The following ASAP3 variants were observed in gnomAD, a reference collection of about 807,000 sequenced individuals.
The protein encoded by ASAP3 is arf-GAP with SH3 domain, ANK repeat and PH domain-containing protein 3.
In ASAP3, 85 loss-of-function variants were observed where a neutral mutation model predicts 118.2. The observed-to-expected ratio is 0.72, with a 90% CI of 0.60 to 0.86. The LOEUF (loss-of-function observed/expected upper bound fraction) is 0.86. ASAP3 is among the 40% of genes least tolerant of loss of function. ASAP3 has a pLI of 0.00. For missense variants in ASAP3, 1,026 were observed against 1,175.0 expected (o/e 0.87, Z 1.85); for synonymous variants, 432 against 477.4 (o/e 0.90, Z 1.24).
intron 3 of ASAP3, among the ~76,000 whole-genome samples, chr1:23,453,314 G>A (rs1185072905): frequency 6.6e-6 from 1 of 151,528 alleles, no homozygotes; most frequent in Non-Finnish European, 1.5e-5. Context: ...TGGGGTAAAC[G>A]CAGAAGTCAG....
chr1:23,471,642 A>T (rs954652346), intron 1 of ASAP3, among the ~76,000 whole-genome samples: 15 of 152,312 alleles, frequency 9.8e-5, no homozygotes, highest in Non-Finnish European at 1.6e-4. Context: ...CAGTCCTCTT[A>T]GCTGTGTGAC....
At position 23,434,322 on chromosome 1, in the gene ASAP3, T is replaced by C. The variant is rs1483547288; in HGVS notation, c.1883A>G (p.Tyr628Cys). 3 of 1,614,012 alleles carry C rather than the reference T, an allele frequency of 1.9e-6. No homozygotes were observed. In the African/African-American group the frequency reaches 4.0e-5, roughly 22 times the overall value. Residue 628 changes from tyrosine (Y) to cysteine (C), a missense_variant, in exon 19 of 25, where the codon TAC (tyrosine) becomes TGC (cysteine). Coordinates refer to ENST00000336689, the MANE Select transcript of ASAP3 (RefSeq NM_017707.4). The part of the protein sequence containing the change: ...KAADGNTALH[Y>C]AALYNQPDCL... ...GTCGGGCTGGTTGTAGAGTGCTGCG[T>C]AGTGCAGAGCCGTGTTCCCGTCAGC...
chr1:23,451,381 C>A, intron 5 of ASAP3, 98 bp downstream of exon 5: 3 of 1,366,314 alleles, frequency 2.2e-6, no homozygotes, highest in Non-Finnish European at 3.1e-6. Flanking sequence ...CAGATGTCAC[C>A]CAATTCTGGA....
At chr1:23,480,516 T>A (rs948509092) in intron 1 of ASAP3, among the ~76,000 whole-genome samples, 1 of 152,174 alleles carries the variant, frequency 6.6e-6, no homozygotes, top group African/African-American at 2.4e-5. Context: ...GCTCTCTCCC[T>A]CTCCTGCTCC....
chr1:23,448,244 A>G (rs1641107772), intron 5 of ASAP3, among the ~76,000 whole-genome samples: 1 of 152,210 alleles, frequency 6.6e-6, no homozygotes, highest in Non-Finnish European at 1.5e-5. Context: ...TGGTGCAGGC[A>G]GGAAAGTATT....
chr1:23,464,040 T>C (rs751916738), intron 1 of ASAP3, among the ~76,000 whole-genome samples: 2 of 152,138 alleles, frequency 1.3e-5, no homozygotes, highest in African/African-American at 2.4e-5. Flanking sequence ...TGAAACTGGA[T>C]AGATGAAGGA....
chr1:23,458,454 C>T (rs1641458269), intron 1 of ASAP3, among the ~76,000 whole-genome samples: 1 of 152,148 alleles, frequency 6.6e-6, no homozygotes, highest in Admixed American at 6.5e-5. Flanking sequence ...GAAACCCCAT[C>T]TCCATGTGGT....
chr1:23,459,022 T>C (rs377585575), intron 1 of ASAP3, among the ~76,000 whole-genome samples: 84 of 151,856 alleles, frequency 5.5e-4, no homozygotes, highest in African/African-American at 2.0e-3. Flanking sequence ...ATACAAAAAT[T>C]AGCTGGGCGT....
At chr1:23,440,670 C>T (rs1316381757) in intron 10 of ASAP3, among the ~76,000 whole-genome samples, 1 of 150,558 alleles carries the variant, frequency 6.6e-6, no homozygotes, top group Non-Finnish European at 1.5e-5. Context: ...TCCTGGCTAA[C>T]ATAGTGAAAC....
intron 1 of ASAP3, among the ~76,000 whole-genome samples, chr1:23,468,019 T>C (rs765839442): frequency 2.0e-5 from 3 of 151,840 alleles, no homozygotes; most frequent in Non-Finnish European, 4.4e-5. Context: ...CTTTACAGTT[T>C]GTAAGGGAGT....
intron 18 of ASAP3, 52 bp from the exon 19 acceptor site, chr1:23,434,421 G>T (rs915720402): frequency 1.9e-6 from 3 of 1,604,826 alleles, no homozygotes; most frequent in African/African-American, 2.7e-5. Context: ...TCAATGAGGG[G>T]ATCAAAGTCA....
At chr1:23,433,566 T>C (rs1215825075) in intron 20 of ASAP3, 34 bp from the exon 21 acceptor site, 16 of 1,613,988 alleles carry the variant, frequency 9.9e-6, no homozygotes, top group Middle Eastern at 1.6e-4. Flanking sequence ...GTTCAGAGGG[T>C]TGGGGGCTCA....
chr1:23,440,482 C>T (rs113241483), intron 10 of ASAP3, among the ~76,000 whole-genome samples: 4,380 of 101,930 alleles, frequency 0.043, 109 homozygotes, highest in Middle Eastern at 0.26. Context: ...GCCTGGGTGA[C>T]GGAGGGAGAC....
Position 23,431,726 on chromosome 1 carries a change from G to A in ASAP3, c.2516C>T (p.Pro839Leu). The change falls in exon 23 of 25, where the codon CCT becomes CTT. Residue 839 changes from proline to leucine, a missense_variant. Coordinates refer to ENST00000336689, the MANE Select transcript of ASAP3 (RefSeq NM_017707.4). ...TCTGACGGGGAGGTACATCTCCGAA[G>A]GGGTGGTCCCGGATGTCAGGCTGGG... Reference protein sequence around the residue: ...SRPSLTSGTTPSEMYLPVRFS... With the variant: ...SRPSLTSGTTLSEMYLPVRFS... The A allele has an allele frequency of 6.6e-7, 1 of 1,522,132 alleles. No homozygotes were observed. The highest frequency in any genetic ancestry group is 8.8e-7 in the Non-Finnish European group (1 of 1,140,274). The allele number at this position is 1,522,132 out of a possible 1,614,324, so 94.3% of individuals were successfully genotyped here.
chr1:23,436,527 G>A lies in ASAP3; in HGVS notation c.1571+33C>T. 3 of 1,607,608 alleles carry A rather than the reference G, an allele frequency of 1.9e-6. No individual in the cohort carries two copies. The highest frequency in any genetic ancestry group is 2.6e-6 in the Non-Finnish European group (3 of 1,174,110). On this transcript the variant is annotated intron_variant, in intron 16 of 24. Coordinates refer to ENST00000336689, the MANE Select transcript of ASAP3 (RefSeq NM_017707.4). This position sits in a 1 kb window ranked among gnomAD's most constrained non-coding sequence, Gnocchi z 4.2. ...ACACTGCGGAGGCAGAATCCCCTAG[G>A]CAGGGTGCCCCTCTCTCTGAGAATC...
At chr1:23,432,485 T>C (rs1187661283) in intron 22 of ASAP3, among the ~76,000 whole-genome samples, 1 of 152,226 alleles carries the variant, frequency 6.6e-6, no homozygotes, top group African/African-American at 2.4e-5. Context: ...TTCACTCATA[T>C]GCTATCCTCA....
chr1:23,477,445 G>A (rs1048955518), intron 1 of ASAP3, among the ~76,000 whole-genome samples: 18 of 150,422 alleles, frequency 1.2e-4, no homozygotes, highest in Middle Eastern at 3.4e-3. Flanking sequence ...GTGAGAGGTC[G>A]CACCACTCAT....
At chr1:23,484,227 C>G, upstream of ASAP3, 1 of 1,171,794 alleles carries the variant, frequency 8.5e-7, no homozygotes, top group Non-Finnish European at 1.1e-6. Flanking sequence ...GGGGCGCCGT[C>G]CCGGCCTCCA....
chr1:23,458,949 C>T (rs1029532457), intron 1 of ASAP3, among the ~76,000 whole-genome samples: 2 of 152,104 alleles, frequency 1.3e-5, no homozygotes, highest in African/African-American at 4.8e-5. Context: ...GGCAGTGGAT[C>T]ACCTGAGGTC....
Sources: gnomAD v4.1 joint callset for allele counts (sites outside exome capture counted in the v4.1 genomes callset) on GRCh38, gnomAD v4.1.1 for gene constraint, Gnocchi (gnomAD v3.1) non-coding constraint, MANE v1.5 for transcripts, NCBI Gene and HGNC (gene_info 2026-07-23, HGNC 2026-07-21) for gene names.